Variants in DAB1 observed in about 807,000 individuals in gnomAD.
DAB1 encodes DAB adaptor protein 1.
Under a neutral mutation model 64.6 loss-of-function variants are expected in DAB1, and 15 were observed. The ratio of observed to expected loss-of-function variants is 0.23; its 90% CI spans 0.16 to 0.36. The LOEUF is 0.36. Ranked by LOEUF, DAB1 falls within the 10% of genes least tolerant of loss-of-function variation. DAB1 has a pLI of 1.00. For synonymous variants in DAB1, 235 were observed against 251.9 expected (o/e 0.93, Z 0.64); for missense variants, 596 against 706.7 (o/e 0.84, Z 1.78).
chr1:57,098,052 C>T (rs1209922007), intron 4 of DAB1, among the ~76,000 whole-genome samples: 1 of 152,176 alleles, frequency 6.6e-6, no homozygotes, highest in African/African-American at 2.4e-5. Context: ...GCTGGGATTA[C>T]AGGCATGAGC....
Position 57,091,397 on chromosome 1 carries a change from C to T in DAB1, c.307-18983G>A, listed in dbSNP as rs116072665. On this transcript the variant is annotated intron_variant, in intron 4 of 14. Transcript: ENST00000371236. ...GGAATCTATCAGTTAACAACCACAT[C>T]GTAGTTTTATTTTAAAGCTCTATGT... is the stretch of plus-strand genomic sequence containing the variant. 3.5e-3 allele frequency among the ~76,000 whole-genome samples: 535 copies of T among 152,236 alleles called. 5 individuals carry two copies. The highest frequency in any genetic ancestry group is 0.013 in the African/African-American group (521 of 41,560).
chr1:57,755,449 C>T (rs1187324018), intron 6 of DAB1, among the ~76,000 whole-genome samples: 1 of 152,114 alleles, frequency 6.6e-6, no homozygotes, highest in Non-Finnish European at 1.5e-5. Context: ...TTTATTGAGC[C>T]ATGGGATATG....
intron 4 of DAB1, among the ~76,000 whole-genome samples, chr1:58,299,944 C>G (rs1251481262): frequency 6.6e-6 from 1 of 152,136 alleles, no homozygotes; most frequent in African/African-American, 2.4e-5. Flanking sequence ...GTGGCACAAG[C>G]CCCTAGGCTC....
intron 1 of DAB1, among the ~76,000 whole-genome samples, chr1:57,347,445 A>G (rs556391379): frequency 6.6e-6 from 1 of 152,218 alleles, no homozygotes; most frequent in East Asian, 1.9e-4. Context: ...TTCTAATGGT[A>G]TGAAAGAGCT....
chr1:58,094,316 T>C (rs1650859355), intron 5 of DAB1, among the ~76,000 whole-genome samples: 1 of 152,204 alleles, frequency 6.6e-6, no homozygotes. Flanking sequence ...ATCCTTTGTT[T>C]TACATTCTTT....
rs565245204 is a variant in DAB1 at position 57,655,120 on chromosome 1, T to C, written n.552-5455A>G. Among the ~76,000 whole-genome samples, 8 of 152,340 alleles carry C rather than the reference T, an allele frequency of 5.3e-5. No individual in the cohort carries two copies. In the South Asian group the frequency reaches 1.7e-3, roughly 32 times the overall value. On this transcript the variant is annotated intron_variant and non_coding_transcript_variant, in intron 6 of 20. Coordinates refer to the DAB1 transcript ENST00000485760. ...TTTTCTATTCCTGTGCAAGTATTCA[T>C]GCTATCTTAATTACTATAATTTTAT...
Position 57,754,853 on chromosome 1 carries a change from T to G in DAB1, n.552-105188A>C, listed in dbSNP as rs115479915. Among the ~76,000 whole-genome samples, 253 of 152,222 alleles carry G rather than the reference T, an allele frequency of 1.7e-3. 1 individual carries two copies. Among genetic ancestry groups the G allele is most frequent in the African/African-American group, 5.8e-3 (241 of 41,552 alleles). ...TCCTTTTCTTTCCCCTGCCCTGAGC[T>G]CCAGCCTACAATATCAAAGCTGAGC... On this transcript the variant is annotated intron_variant and non_coding_transcript_variant, in intron 6 of 20. Coordinates refer to the DAB1 transcript ENST00000485760.
intron 5 of DAB1, among the ~76,000 whole-genome samples, chr1:58,106,979 T>C (rs904522009): frequency 1.3e-5 from 2 of 151,856 alleles, no homozygotes; most frequent in African/African-American, 4.8e-5. Flanking sequence ...TTCTAAAGCA[T>C]TTATTGAGCA....
intron 7 of DAB1, among the ~76,000 whole-genome samples, chr1:57,641,379 G>T (rs58821997): frequency 0.31 from 34,637 of 110,996 alleles, 5,813 homozygotes; most frequent in Admixed American, 0.38. Context: ...TTTTTTGTTG[G>T]TTTTTTTTTT....
chr1:57,475,897 AAATG>A (rs1227117511), intron 7 of DAB1, among the ~76,000 whole-genome samples: 1 of 152,254 alleles, frequency 6.6e-6, no homozygotes, highest in Non-Finnish European at 1.5e-5. Flanking sequence ...ATGAATGAAT[AAATG>A]AATGTACTTG....
At chr1:57,883,855 T>C (rs1569915439) in intron 1 of DAB1, 2 of 152,208 alleles carry the variant, frequency 1.3e-5, no homozygotes, top group East Asian at 3.9e-4. Flanking sequence ...CCTTGGGTTA[T>C]TAACTACAGA....
At chr1:57,351,631 A>G (rs1678596747) in intron 1 of DAB1, among the ~76,000 whole-genome samples, 1 of 152,128 alleles carries the variant, frequency 6.6e-6, no homozygotes, top group African/African-American at 2.4e-5. Context: ...TAATACACAT[A>G]GGGTTGTGTG....
chr1:57,011,324 A>G, intron 12 of DAB1, 52 bp from the exon 13 acceptor site: 1 of 1,594,004 alleles, frequency 6.3e-7, no homozygotes, highest in Admixed American at 1.8e-5. Flanking sequence ...GCTGCCATGA[A>G]TGTATCCCAA....
At chr1:57,593,147 T>G (rs953878674) in intron 7 of DAB1, among the ~76,000 whole-genome samples, 2 of 152,208 alleles carry the variant, frequency 1.3e-5, no homozygotes, top group Non-Finnish European at 2.9e-5. Flanking sequence ...TGGAAAATAA[T>G]GTACCATTCC....
chr1:57,347,428 G>C (rs556264524), intron 1 of DAB1, among the ~76,000 whole-genome samples: 1 of 152,268 alleles, frequency 6.6e-6, no homozygotes, highest in South Asian at 2.1e-4. Context: ...GTTCTAATTT[G>C]CTAAGATTCT....
intron 3 of DAB1, among the ~76,000 whole-genome samples, chr1:58,436,816 T>C (rs706428): frequency 0.59 from 89,295 of 152,124 alleles, 26,858 homozygotes; most frequent in African/African-American, 0.72. Flanking sequence ...CAGCGATGTT[T>C]GCACTTCCCA....
chr1:57,035,210 C>G (rs963374835), intron 9 of DAB1, among the ~76,000 whole-genome samples: 6 of 152,174 alleles, frequency 3.9e-5, no homozygotes, highest in African/African-American at 1.4e-4. Flanking sequence ...TCACACACTC[C>G]TAGCAATTTA....
chr1:58,029,774 G>C (rs1646944969), intron 5 of DAB1, among the ~76,000 whole-genome samples: 1 of 152,100 alleles, frequency 6.6e-6, no homozygotes, highest in South Asian at 2.1e-4. Flanking sequence ...ATGGGTATTT[G>C]CTTTAAATAT....
intron 7 of DAB1, among the ~76,000 whole-genome samples, chr1:57,464,739 G>C (rs553522876): frequency 2.5e-4 from 38 of 152,314 alleles, no homozygotes; most frequent in African/African-American, 8.9e-4. Flanking sequence ...TGTTTCCACA[G>C]ATGGGAAAAA....
Sources: allele counts gnomAD v4.1 joint callset (sites outside exome capture counted in the v4.1 genomes callset), GRCh38; gene constraint gnomAD v4.1.1; transcripts MANE v1.5; gene names NCBI Gene and HGNC (gene_info 2026-07-23, HGNC 2026-07-21).